Variants in AUTS2 observed in about 807,000 individuals in gnomAD.
The protein encoded by AUTS2 is activator of transcription and developmental regulator AUTS2, also known as autism susceptibility gene 2 protein.
AUTS2 carries 17 observed loss-of-function variants against 112.4 expected under a neutral mutation model. That is an observed-to-expected ratio of 0.15 (90% CI 0.10 to 0.23). The LOEUF (loss-of-function observed/expected upper bound fraction) is 0.23. Among genes scored for constraint, AUTS2 ranks in the 10% least tolerant of loss-of-function variants. The probability of loss-of-function intolerance (pLI) is 1.00; values close to 1 mark genes in which losing one functional copy is unlikely to be tolerated. For missense variants in AUTS2, 1,510 were observed against 1,701.6 expected, an observed-to-expected ratio of 0.89 and a Z score of 1.98; for synonymous variants, 751 against 702.7, an observed-to-expected ratio of 1.07 and a Z score of -1.09.
intron 6 of AUTS2, among the ~76,000 whole-genome samples, chr7:70,730,026 G>C (rs1258408110): frequency 4.6e-5 from 7 of 152,136 alleles, no homozygotes; most frequent in Non-Finnish European, 1.0e-4. Context: ...GGGATTACAG[G>C]CACACGCCAC....
intron 1 of AUTS2, among the ~76,000 whole-genome samples, chr7:69,837,122 A>G (rs1791762444): frequency 6.6e-6 from 1 of 152,158 alleles, no homozygotes; most frequent in African/African-American, 2.4e-5. Context: ...AAAGGACTAA[A>G]GGGCGAGTCT....
chr7:69,676,763 C>T (rs1584053019), intron 1 of AUTS2, among the ~76,000 whole-genome samples: 1 of 152,032 alleles, frequency 6.6e-6, no homozygotes, highest in Admixed American at 6.5e-5. Flanking sequence ...GGATAGGCTC[C>T]CTACCTGCCA....
Position 69,989,779 on chromosome 7 carries a change from A to C in AUTS2, c.522+90281A>C, listed in dbSNP as rs555621263. On this transcript the variant is annotated intron_variant, in intron 2 of 18. Coordinates refer to ENST00000342771, the MANE Select transcript of AUTS2 (RefSeq NM_015570.4). Reference sequence around the variant, plus strand: ...GGTACCTGTCCATAGCCCATTGGGAACTGGGCCACAGAGCAGGAGGTGAGC... The same window carrying C: ...GGTACCTGTCCATAGCCCATTGGGACCTGGGCCACAGAGCAGGAGGTGAGC... 2.0e-5 allele frequency among the ~76,000 whole-genome samples: 3 copies of C among 152,260 alleles called. No individual in the cohort carries two copies. In the South Asian group the frequency reaches 6.2e-4, roughly 32 times the overall value.
intron 4 of AUTS2, among the ~76,000 whole-genome samples, chr7:70,413,734 G>A (rs1052304591): frequency 5.9e-5 from 9 of 152,238 alleles, no homozygotes; most frequent in Non-Finnish European, 8.8e-5. Context: ...CTGGAGGGCA[G>A]TGGCGTGATC....
intron 5 of AUTS2, among the ~76,000 whole-genome samples, chr7:70,496,984 T>C (rs375109825): frequency 0.045 from 542 of 12,060 alleles, no homozygotes; most frequent in Admixed American, 0.069. Flanking sequence ...CGATCACACA[T>C]CCCACTCACA....
At position 70,139,421 on chromosome 7, in the gene AUTS2, C is replaced by G. The variant is rs1806738019; in HGVS notation, c.660+4850C>G. 2.6e-5 allele frequency among the ~76,000 whole-genome samples: 4 copies of G among 152,166 alleles called. 1 individual carries two copies. In the South Asian group the frequency reaches 8.3e-4, roughly 32 times the overall value. On this transcript the variant is annotated intron_variant, in intron 4 of 18. Coordinates refer to ENST00000342771, the MANE Select transcript of AUTS2 (RefSeq NM_015570.4). ...AAAATATCTTGCTTTTATTATTTTC[C>G]CATTGCTCTAGTATATTGACTTTGG...
rs374050265 is a variant in AUTS2 at position 70,673,848 on chromosome 7, GA to G, written c.691-24720del. Among the ~76,000 whole-genome samples the G allele has an allele frequency of 1.8e-3, 272 of 152,342 alleles. 2 individuals are homozygous for G. Among genetic ancestry groups the G allele is most frequent in the African/African-American group, 5.9e-3 (247 of 41,572 alleles). The stretch of plus-strand genomic sequence containing the variant: ...ACTATTTCTAGAAGACCTTAGTAGA[GA>G]TAATGGTATTAGTAAGTGCTTCTGT... On this transcript the variant is annotated intron_variant, in intron 5 of 18. Coordinates refer to ENST00000342771, the MANE Select transcript of AUTS2 (RefSeq NM_015570.4).
chr7:69,743,067 A>G (rs1434582800), intron 1 of AUTS2, among the ~76,000 whole-genome samples: 1 of 152,190 alleles, frequency 6.6e-6, no homozygotes. Flanking sequence ...TAGGTGGGAA[A>G]GTAGCTTTCC....
intron 6 of AUTS2, among the ~76,000 whole-genome samples, chr7:70,703,273 T>C (rs1488956165): frequency 6.6e-6 from 1 of 152,054 alleles, no homozygotes; most frequent in Non-Finnish European, 1.5e-5. Context: ...GGCAGGAGGA[T>C]TGCTTGAGCT....
chr7:70,702,421 T>A (rs1248018097), intron 6 of AUTS2, among the ~76,000 whole-genome samples: 3 of 152,168 alleles, frequency 2.0e-5, no homozygotes, highest in African/African-American at 7.2e-5. Flanking sequence ...TCAAGACAAC[T>A]CATAGATAGA....
chr7:70,667,445 T>C (rs1296071476), intron 5 of AUTS2, among the ~76,000 whole-genome samples: 1 of 152,216 alleles, frequency 6.6e-6, no homozygotes, highest in Admixed American at 6.5e-5. Flanking sequence ...CCTTGGAAGA[T>C]TGACACAAGG....
At chr7:69,957,550 A>G (rs1041313142) in intron 2 of AUTS2, among the ~76,000 whole-genome samples, 3 of 152,136 alleles carry the variant, frequency 2.0e-5, no homozygotes, top group African/African-American at 4.8e-5. Context: ...TATATGTGAT[A>G]TATCTGTGCC....
At chr7:70,068,421 T>C (rs539168794) in intron 2 of AUTS2, among the ~76,000 whole-genome samples, 61 of 152,134 alleles carry the variant, frequency 4.0e-4, no homozygotes, top group African/African-American at 1.4e-3. Context: ...CCTGACTTCG[T>C]GATCTGCCCG....
At chr7:69,672,412 T>C (rs1397038549) in intron 1 of AUTS2, among the ~76,000 whole-genome samples, 1 of 152,224 alleles carries the variant, frequency 6.6e-6, no homozygotes, top group African/African-American at 2.4e-5. Flanking sequence ...GTCCATGAAC[T>C]CTATCTTGGA....
intron 2 of AUTS2, among the ~76,000 whole-genome samples, chr7:69,978,466 T>C (rs1798148376): frequency 6.6e-6 from 1 of 152,216 alleles, no homozygotes; most frequent in African/African-American, 2.4e-5. Flanking sequence ...TCCAACGAGA[T>C]ACTGAATTAA....
intron 4 of AUTS2, among the ~76,000 whole-genome samples, chr7:70,358,395 T>C (rs1792107008): frequency 6.6e-6 from 1 of 152,234 alleles, no homozygotes; most frequent in African/African-American, 2.4e-5. Context: ...TCTTCACTTC[T>C]CTTTCCAGCA....
chr7:70,589,624 G>A (rs1320478748), intron 5 of AUTS2, among the ~76,000 whole-genome samples: 2 of 152,202 alleles, frequency 1.3e-5, no homozygotes, highest in African/African-American at 4.8e-5. Flanking sequence ...TGAGGCAGGA[G>A]AATAGCTTGA....
At chr7:70,556,184 G>C (rs569714626) in intron 5 of AUTS2, among the ~76,000 whole-genome samples, 27 of 151,894 alleles carry the variant, frequency 1.8e-4, no homozygotes, top group African/African-American at 6.3e-4. Flanking sequence ...GGGAGAGAGA[G>C]AGGGGCGATG....
chr7:69,977,852 C>T (rs1232752427), intron 2 of AUTS2, among the ~76,000 whole-genome samples: 1 of 152,152 alleles, frequency 6.6e-6, no homozygotes, highest in Non-Finnish European at 1.5e-5. Context: ...TCCTGGAGAA[C>T]TCACCACCAT....
Sources: allele counts gnomAD v4.1 joint callset (sites outside exome capture counted in the v4.1 genomes callset), GRCh38; gene constraint gnomAD v4.1.1; transcripts MANE v1.5; gene names NCBI Gene and HGNC (gene_info 2026-07-23, HGNC 2026-07-21).